The following GMCL1 variants were observed in gnomAD, a reference collection of about 807,000 sequenced individuals.
GMCL1 encodes germ cell-less 1, spermatogenesis associated.
A neutral mutation model predicts 75.5 loss-of-function variants in GMCL1; 54 were observed. The ratio of observed to expected loss-of-function variants is 0.71; its 90% CI spans 0.57 to 0.90. The LOEUF is 0.90. Among genes scored for constraint, GMCL1 ranks in the 40% least tolerant of loss-of-function variants. GMCL1 has a pLI of 0.00. For missense variants in GMCL1, 537 were observed against 622.7 expected (o/e 0.86, Z 1.47); for synonymous variants, 210 against 209.6 (o/e 1.00, Z -0.02).
At chr2:69,839,620 GATAA>G (rs1232538967) in intron 3 of GMCL1, 67 bp downstream of exon 3, 7 of 1,044,060 alleles carry the variant, frequency 6.7e-6, no homozygotes, top group Non-Finnish European at 1.0e-5. Flanking sequence ...TCTGGTAGAA[GATAA>G]ATAATTCCTT....
rs1426912884 is a variant in GMCL1 at position 69,854,972 on chromosome 2, T to G, written c.1072+12T>G. ...TGTAGTACCTTCAGGTAAGAGAACA[T>G]AATTTGTAATTTTAAGTAATATATT... is the stretch of plus-strand genomic sequence containing the variant. On this transcript the variant is annotated intron_variant, in intron 9 of 13. Transcript: ENST00000282570. 3 of 1,565,778 alleles carry G rather than the reference T, an allele frequency of 1.9e-6. No individual in the cohort carries two copies. The highest frequency in any genetic ancestry group is 2.6e-6 in the Non-Finnish European group (3 of 1,151,460).
chr2:69,836,162 T>A (rs1674811748), intron 1 of GMCL1, among the ~76,000 whole-genome samples: 1 of 152,204 alleles, frequency 6.6e-6, no homozygotes, highest in Non-Finnish European at 1.5e-5. Flanking sequence ...AGGGTTCTGA[T>A]GGGCAGATAA....
At chr2:69,854,146 ATT>A (rs1558544152) in intron 8 of GMCL1, among the ~76,000 whole-genome samples, 1 of 146,110 alleles carries the variant, frequency 6.8e-6, no homozygotes, top group African/African-American at 2.5e-5. Flanking sequence ...TATTATTATT[ATT>A]ATCATTATTA....
chr2:69,867,133 A>G (rs1302116755), intron 11 of GMCL1, among the ~76,000 whole-genome samples: 1 of 151,228 alleles, frequency 6.6e-6, no homozygotes, highest in East Asian at 2.0e-4. Flanking sequence ...TTTTGTAGAG[A>G]CGAGGTCTCA....
chr2:69,865,649 A>G lies in GMCL1; in HGVS notation c.1218+674A>G, dbSNP rs1228715495. Reference sequence around the variant, plus strand: ...GGCGACAAAGTAAGACTCCATCTCAAAAAAAAAAAGATATTTTTTCATTAC... The same window carrying G: ...GGCGACAAAGTAAGACTCCATCTCAGAAAAAAAAAGATATTTTTTCATTAC... On this transcript the variant is annotated intron_variant, in intron 11 of 13. Coordinates refer to ENST00000282570, the MANE Select transcript of GMCL1 (RefSeq NM_178439.5). Among the ~76,000 whole-genome samples the G allele has an allele frequency of 3.3e-5, 5 of 150,680 alleles. No individual in the cohort carries two copies. The East Asian group carries it at 7.7e-4, about 23-fold the overall frequency.
chr2:69,839,257 A>G (rs1435710040), intron 2 of GMCL1, among the ~76,000 whole-genome samples, 200 bp from the exon 3 acceptor site: 2 of 152,234 alleles, frequency 1.3e-5, no homozygotes, highest in South Asian at 2.1e-4. Context: ...AACCAAAAGT[A>G]TATTTTGATA....
chr2:69,850,503 G>A (rs1042973078), intron 8 of GMCL1, among the ~76,000 whole-genome samples: 2 of 151,982 alleles, frequency 1.3e-5, no homozygotes, highest in African/African-American at 4.8e-5. Flanking sequence ...AATACGTTGA[G>A]CCTTTGTGAC....
chr2:69,842,009 G>A (rs1479266113), intron 4 of GMCL1, among the ~76,000 whole-genome samples: 8 of 152,114 alleles, frequency 5.3e-5, no homozygotes, highest in Non-Finnish European at 1.2e-4. Flanking sequence ...CAGTACCTTT[G>A]GAATATTTTA....
At chr2:69,841,628 G>A (rs1333101218) in intron 4 of GMCL1, among the ~76,000 whole-genome samples, 5 of 152,150 alleles carry the variant, frequency 3.3e-5, no homozygotes, top group Non-Finnish European at 7.4e-5. Flanking sequence ...AGGGAGGGTT[G>A]ATATACAAAC....
At chr2:69,867,797 A>G (rs1675863157) in intron 11 of GMCL1, among the ~76,000 whole-genome samples, 1 of 152,184 alleles carries the variant, frequency 6.6e-6, no homozygotes, top group Non-Finnish European at 1.5e-5. Context: ...ATGAACTTGA[A>G]GTAGGTTAGT....
intron 11 of GMCL1, among the ~76,000 whole-genome samples, chr2:69,867,856 T>C (rs1315642773): frequency 6.6e-6 from 1 of 152,294 alleles, no homozygotes; most frequent in Non-Finnish European, 1.5e-5. Flanking sequence ...ATCCTCCCAT[T>C]AGCTGAGGTA....
intron 1 of GMCL1, among the ~76,000 whole-genome samples, chr2:69,830,818 A>G (rs1173942130): frequency 1.3e-5 from 2 of 150,038 alleles, no homozygotes; most frequent in Admixed American, 1.3e-4. Context: ...TGTGACCTGG[A>G]ATGTAGTTTA....
At chr2:69,832,618 C>T (rs899684729) in intron 1 of GMCL1, among the ~76,000 whole-genome samples, 1 of 152,174 alleles carries the variant, frequency 6.6e-6, no homozygotes, top group Non-Finnish European at 1.5e-5. Context: ...TATTTTCCCT[C>T]CTTTCACTTT....
rs561771280 is a variant in GMCL1, at chr2:69,844,018, AGT to A, written c.693-112_693-111del. The A allele has an allele frequency of 1.9e-3, 889 of 472,448 alleles. 6 individuals are homozygous for A. The highest frequency in any genetic ancestry group is 0.014 in the African/African-American group (706 of 49,294). The allele number at this position is 472,448 out of a possible 1,614,324, so 29.3% of individuals were successfully genotyped here. A position where few individuals can be genotyped will look rare whatever the true frequency, so the allele number is the denominator to read the frequency against. ...CTAAATTTCCTATTGTTAAGCTAAA[AGT>A]TTTGAGCATGTTCTGGCAAGATTAA... is the stretch of plus-strand genomic sequence containing the variant. On this transcript the variant is annotated intron_variant, in intron 5 of 13. Coordinates refer to ENST00000282570, the MANE Select transcript of GMCL1 (RefSeq NM_178439.5).
chr2:69,869,911 T>C lies in GMCL1; in HGVS notation c.1364+47T>C, dbSNP rs745790564. 3.2e-6 allele frequency: 5 copies of C among 1,574,778 alleles called. No individual in the cohort carries two copies. In the South Asian group the frequency reaches 5.7e-5, roughly 18 times the overall value. Reference sequence around the variant, plus strand: ...CCACTCCTCCTCACTCCAGAGAAAATATAAGAAATAAAACCTTGATAATTT... The same window carrying C: ...CCACTCCTCCTCACTCCAGAGAAAACATAAGAAATAAAACCTTGATAATTT... On this transcript the variant is annotated intron_variant, in intron 12 of 13. Coordinates refer to ENST00000282570, the MANE Select transcript of GMCL1 (RefSeq NM_178439.5).
At chr2:69,830,953 T>G (rs1440958128) in intron 1 of GMCL1, among the ~76,000 whole-genome samples, 1 of 152,218 alleles carries the variant, frequency 6.6e-6, no homozygotes, top group Non-Finnish European at 1.5e-5. Context: ...AGAGCCTTGC[T>G]CTGTCACTCA....
At chr2:69,873,301 G>T (rs1676035105) in intron 13 of GMCL1, among the ~76,000 whole-genome samples, 1 of 152,188 alleles carries the variant, frequency 6.6e-6, no homozygotes, top group South Asian at 2.1e-4. Flanking sequence ...GGGCATGAGG[G>T]CTGTGGATGG....
chr2:69,880,140 C>T lies in GMCL1; in HGVS notation c.*1136C>T, dbSNP rs2104088208. 1 of 152,168 alleles carries T rather than the reference C, an allele frequency of 6.6e-6. No individual in the cohort carries two copies. The highest frequency in any genetic ancestry group is 1.9e-4 in the East Asian group (1 of 5,180). 9.4% of individuals were successfully genotyped at this position (152,168 alleles called of 1,614,324 possible). On this transcript the variant is annotated 3_prime_UTR_variant, in exon 14 of 14. Transcript: ENST00000282570. ...TTACTGTTTTGAAAATAGCCATGTT[C>T]ATTTTCTTTCCAGTTAGAGTAAGTA...
chr2:69,836,279 C>A (rs1674814553), intron 1 of GMCL1, among the ~76,000 whole-genome samples: 1 of 152,176 alleles, frequency 6.6e-6, no homozygotes, highest in African/African-American at 2.4e-5. Flanking sequence ...ATAAATCTCT[C>A]ATCAAGTGAT....
Sources: allele counts gnomAD v4.1 joint callset (sites outside exome capture counted in the v4.1 genomes callset), GRCh38; gene constraint gnomAD v4.1.1; transcripts MANE v1.5; gene names NCBI Gene and HGNC (gene_info 2026-07-23, HGNC 2026-07-21).